Variants in FSD1L observed in about 807,000 individuals in gnomAD.
FSD1L encodes the protein fibronectin type III and SPRY domain containing 1 like.
A neutral mutation model predicts 71.6 loss-of-function variants in FSD1L; 45 were observed. The observed-to-expected ratio is 0.63, with a 90% CI of 0.49 to 0.81. The LOEUF (loss-of-function observed/expected upper bound fraction) is 0.81, where lower values mean the gene tolerates loss of function less well. FSD1L is among the 30% of genes least tolerant of loss of function. FSD1L has a pLI of 0.00. For missense variants in FSD1L, 561 were observed against 618.1 expected (o/e 0.91, Z 0.98); for synonymous variants, 197 against 207.2 (o/e 0.95, Z 0.42).
chr9:105,453,639 T>C (rs1285350969), intron 1 of FSD1L, among the ~76,000 whole-genome samples: 1 of 152,194 alleles, frequency 6.6e-6, no homozygotes, highest in Non-Finnish European at 1.5e-5. Context: ...GACATACTTA[T>C]GACCACTATA....
At chr9:105,503,482 T>G (rs943035343) in intron 7 of FSD1L, among the ~76,000 whole-genome samples, 3 of 152,198 alleles carry the variant, frequency 2.0e-5, no homozygotes, top group Non-Finnish European at 4.4e-5. Context: ...TGACTTTATA[T>G]CCTTTCTCCT....
chr9:105,542,022 G>C (rs1276706201), intron 13 of FSD1L, among the ~76,000 whole-genome samples: 1 of 152,090 alleles, frequency 6.6e-6, no homozygotes, highest in Non-Finnish European at 1.5e-5. Flanking sequence ...TCATTCACCA[G>C]TTGAAAGACA....
chr9:105,478,268 T>A (rs1293978666), intron 5 of FSD1L, among the ~76,000 whole-genome samples: 1 of 152,032 alleles, frequency 6.6e-6, no homozygotes, highest in African/African-American at 2.4e-5. Context: ...CTGAGTTCTG[T>A]GTTTTTGAGT....
chr9:105,448,570 G>T (rs1335774164), intron 1 of FSD1L, among the ~76,000 whole-genome samples: 1 of 152,166 alleles, frequency 6.6e-6, no homozygotes, highest in South Asian at 2.1e-4. Context: ...GACTGCGAGC[G>T]TGCTGGTGGG....
Position 105,541,796 on chromosome 9 carries a change from T to A in FSD1L, c.1467+2445T>A, listed in dbSNP as rs771293582. On this transcript the variant is annotated intron_variant, in intron 13 of 13. Coordinates refer to ENST00000481272, the MANE Select transcript of FSD1L (RefSeq NM_001145313.3). ...TTTGTGTTCTTTTATAGTGGACCGT[T>A]CCACACAACCAGCCCTAGCTATCAG... Among the ~76,000 whole-genome samples the A allele has an allele frequency of 5.1e-4, 78 of 152,162 alleles. 1 individual carries two copies. The highest frequency in any genetic ancestry group is 9.9e-4 in the Non-Finnish European group (67 of 68,010).
intron 7 of FSD1L, among the ~76,000 whole-genome samples, chr9:105,498,792 T>G (rs1833585440): frequency 6.6e-6 from 1 of 152,176 alleles, no homozygotes; most frequent in African/African-American, 2.4e-5. Flanking sequence ...GAAGTGTGGT[T>G]TTTATATTTT....
intron 1 of FSD1L, among the ~76,000 whole-genome samples, chr9:105,449,600 G>T (rs776674859): frequency 2.0e-5 from 3 of 152,226 alleles, no homozygotes; most frequent in Non-Finnish European, 4.4e-5. Flanking sequence ...TGCAGTAGAA[G>T]TAAGAGTATT....
chr9:105,541,113 CT>C (rs1343761190), intron 13 of FSD1L, among the ~76,000 whole-genome samples: 1 of 152,014 alleles, frequency 6.6e-6, no homozygotes, highest in Non-Finnish European at 1.5e-5. Flanking sequence ...AAATACAGTG[CT>C]TTTAAATCTC....
intron 10 of FSD1L, among the ~76,000 whole-genome samples, chr9:105,530,275 A>T (rs1165069703): frequency 6.6e-6 from 1 of 152,184 alleles, no homozygotes; most frequent in Non-Finnish European, 1.5e-5. Context: ...TTAAGTGGTC[A>T]GGGTGTCCTT....
chr9:105,532,152 C>A (rs1450825625), intron 10 of FSD1L, among the ~76,000 whole-genome samples: 1 of 152,186 alleles, frequency 6.6e-6, no homozygotes, highest in African/African-American at 2.4e-5. Context: ...TTGCCCCTCA[C>A]AAGATCAGGA....
chr9:105,500,493 T>C (rs912510625), intron 7 of FSD1L, among the ~76,000 whole-genome samples: 1 of 152,186 alleles, frequency 6.6e-6, no homozygotes, highest in Non-Finnish European at 1.5e-5. Context: ...ATATTTCCCT[T>C]TCCCCAGGTC....
At chr9:105,523,475 T>C in intron 10 of FSD1L, 1 of 1,613,034 alleles carries the variant, frequency 6.2e-7, no homozygotes, top group Non-Finnish European at 8.5e-7. Context: ...TTTTGGGAGA[T>C]GTAAATTCAA....
intron 10 of FSD1L, chr9:105,523,626 A>G: frequency 1.9e-6 from 3 of 1,610,014 alleles, no homozygotes; most frequent in Non-Finnish European, 2.5e-6. Flanking sequence ...TCCTCCACTG[A>G]GAATTCTTAC....
chr9:105,495,188 G>A (rs2131309636), intron 7 of FSD1L, among the ~76,000 whole-genome samples: 1 of 152,338 alleles, frequency 6.6e-6, no homozygotes, highest in South Asian at 2.1e-4. Context: ...GTTGACCTAA[G>A]CAAGCCTGGG....
At chr9:105,496,079 G>A (rs559342622) in intron 7 of FSD1L, among the ~76,000 whole-genome samples, 1 of 151,726 alleles carries the variant, frequency 6.6e-6, no homozygotes, top group Non-Finnish European at 1.5e-5. Flanking sequence ...GTCTTTTACA[G>A]AGCAAGATTT....
At chr9:105,474,841 G>T (rs914058845) in intron 5 of FSD1L, among the ~76,000 whole-genome samples, 1 of 152,218 alleles carries the variant, frequency 6.6e-6, no homozygotes, top group African/African-American at 2.4e-5. Context: ...AACTGAATGT[G>T]AAGTTATGCT....
At chr9:105,504,064 C>T (rs1250829297) in intron 7 of FSD1L, among the ~76,000 whole-genome samples, 1 of 152,202 alleles carries the variant, frequency 6.6e-6, no homozygotes, top group African/African-American at 2.4e-5. Flanking sequence ...TTATACCAAC[C>T]TCTCAGGACT....
intron 2 of FSD1L, among the ~76,000 whole-genome samples, chr9:105,462,798 G>A (rs1830796184): frequency 1.4e-5 from 2 of 138,402 alleles, no homozygotes; most frequent in Admixed American, 1.5e-4. Context: ...GCACATGTGT[G>A]GTGGCACATG....
Position 105,541,344 on chromosome 9 carries a change from T to A in FSD1L, c.1467+1993T>A, listed in dbSNP as rs77415403. On this transcript the variant is annotated intron_variant, in intron 13 of 13. Transcript: ENST00000481272. Reference sequence around the variant, plus strand: ...CTCTGCCATATTACGCATTTTTGGCTATTTTTCCAAACTGGTCCATCAAGG... The same window carrying A: ...CTCTGCCATATTACGCATTTTTGGCAATTTTTCCAAACTGGTCCATCAAGG... Among the ~76,000 whole-genome samples the A allele has an allele frequency of 8.9e-3, 1,354 of 151,666 alleles. 21 individuals carry two copies. The highest frequency in any genetic ancestry group is 0.031 in the African/African-American group (1,299 of 41,432).
Sources: allele counts gnomAD v4.1 joint callset (sites outside exome capture counted in the v4.1 genomes callset), GRCh38; gene constraint gnomAD v4.1.1; transcripts MANE v1.5; gene names NCBI Gene and HGNC (gene_info 2026-07-23, HGNC 2026-07-21).